Variants in SCN8A observed in about 807,000 individuals in gnomAD.
SCN8A encodes sodium voltage-gated channel alpha subunit 8.
SCN8A carries 30 observed loss-of-function variants against 184.1 expected under a neutral mutation model. The observed-to-expected ratio is 0.16, with a 90% confidence interval of 0.12 to 0.22. The LOEUF (loss-of-function observed/expected upper bound fraction) is 0.22, where lower values mean the gene tolerates loss of function less well. Ranked by LOEUF, SCN8A falls within the 10% of genes least tolerant of loss-of-function variation. SCN8A has a pLI of 1.00. For missense variants in SCN8A, 1,057 were observed against 2,498.9 expected, an observed-to-expected ratio of 0.42 and a Z score of 12.30; for synonymous variants, 852 against 907.0, an observed-to-expected ratio of 0.94 and a Z score of 1.09.
chr12:51,770,589 G>T lies in SCN8A; in HGVS notation c.3551G>T (p.Trp1184Leu). Reference protein sequence around the residue: ...VNIEEGLGKSWWILRKTCFLI... With the variant: ...VNIEEGLGKSLWILRKTCFLI... ...ATCGAGGAAGGGCTAGGCAAGTCTT[G>T]GTGGATCCTGCGGAAAACCTGCTTC... The change falls in exon 19 of 27, where the codon TGG (tryptophan) becomes TTG (leucine). Residue 1184 changes from tryptophan to leucine, a missense_variant. Physicochemically the swap from Trp to Leu is moderately conservative, Grantham distance 61. Coordinates refer to ENST00000627620, the MANE Select transcript of SCN8A (RefSeq NM_001330260.2). The T allele has an allele frequency of 6.2e-7, 1 of 1,614,008 alleles. No individual in the cohort carries two copies.
rs534298958 is a variant in SCN8A at position 51,764,814 on chromosome 12, G to T, written c.2545-857G>T. Among the ~76,000 whole-genome samples, 13 of 143,190 alleles carry T rather than the reference G, an allele frequency of 9.1e-5. No individual in the cohort carries two copies. In the South Asian group the frequency reaches 2.2e-3, roughly 25 times the overall value. The allele number at this position is 143,190 out of a possible 152,430, so 93.9% of individuals were successfully genotyped here. A position where few individuals can be genotyped will look rare whatever the true frequency, so the allele number is the denominator to read the frequency against. On this transcript the variant is annotated intron_variant, in intron 15 of 26. Coordinates refer to ENST00000627620, the MANE Select transcript of SCN8A (RefSeq NM_001330260.2). ...TTCTTAGACATAGTCTCATTCTGCT[G>T]TCCAGGTTGAAGTGCAGTGGTGTGA...
In SCN8A at chr12:51,595,943, C is replaced by T. The variant is rs187573005; in HGVS notation, c.-55+4584C>T. Among the ~76,000 whole-genome samples the T allele has an allele frequency of 1.1e-3, 171 of 152,306 alleles. 1 individual carries two copies. Among genetic ancestry groups the T allele is most frequent in the Admixed American group, 4.6e-3 (70 of 15,302 alleles). The stretch of plus-strand genomic sequence containing the variant: ...TCTGCTGGCTTCCACCAACACAGTG[C>T]AAATGTGGTTACCAAAGTACCTCTT... On this transcript the variant is annotated intron_variant, in intron 1 of 26. Coordinates refer to ENST00000627620, the MANE Select transcript of SCN8A (RefSeq NM_001330260.2).
intron 26 of SCN8A, among the ~76,000 whole-genome samples, chr12:51,800,792 C>T (rs1462111924): frequency 6.6e-6 from 1 of 152,152 alleles, no homozygotes; most frequent in Non-Finnish European, 1.5e-5. Flanking sequence ...TGTCCAGTGT[C>T]CAGTAGTCCC....
intron 12 of SCN8A, among the ~76,000 whole-genome samples, chr12:51,724,560 A>G (rs1942126258): frequency 6.6e-6 from 1 of 152,238 alleles, no homozygotes; most frequent in Admixed American, 6.5e-5. Context: ...GACTTTCACT[A>G]ATTCTGCGAA....
chr12:51,607,403 T>C (rs1198155108), intron 1 of SCN8A, among the ~76,000 whole-genome samples: 1 of 152,218 alleles, frequency 6.6e-6, no homozygotes, highest in Non-Finnish European at 1.5e-5. Context: ...CTTTACTGAT[T>C]TGGATGTCCT....
At chr12:51,758,032 C>T (rs303773) in intron 14 of SCN8A, among the ~76,000 whole-genome samples, 112,096 of 152,158 alleles carry the variant, frequency 0.74, 43,962 homozygotes, top group East Asian at 0.91. Flanking sequence ...TGAGTCCCAG[C>T]TACTTGGGAG....
At chr12:51,706,983 T>C (rs1941796463) in intron 11 of SCN8A, among the ~76,000 whole-genome samples, 1 of 152,182 alleles carries the variant, frequency 6.6e-6, no homozygotes, top group Admixed American at 6.5e-5. Context: ...TTTCTGTGCT[T>C]GGCTTATTTC....
intron 2 of SCN8A, among the ~76,000 whole-genome samples, chr12:51,677,863 A>G (rs573475713): frequency 3.9e-5 from 6 of 152,320 alleles, no homozygotes; most frequent in African/African-American, 1.2e-4. Flanking sequence ...CCGCAATCCA[A>G]TTTCAATTTC....
intron 26 of SCN8A, among the ~76,000 whole-genome samples, chr12:51,796,651 A>G (rs1938417533): frequency 6.6e-6 from 1 of 152,214 alleles, no homozygotes; most frequent in African/African-American, 2.4e-5. Flanking sequence ...GTGAAGTCCC[A>G]CGATAGGCCA....
intron 1 of SCN8A, among the ~76,000 whole-genome samples, chr12:51,625,099 C>A (rs1301748259): frequency 6.6e-6 from 1 of 152,180 alleles, no homozygotes; most frequent in African/African-American, 2.4e-5. Context: ...CGGATTTTAA[C>A]AAATGCATAG....
At chr12:51,719,334 A>C (rs1383883317) in intron 11 of SCN8A, among the ~76,000 whole-genome samples, 1 of 6,844 alleles carries the variant, frequency 1.5e-4, no homozygotes, top group African/African-American at 6.4e-4. Context: ...TAGCTTGATC[A>C]ATTGTATTCA....
At chr12:51,718,094 AAAGTATAGAACCAG>A (rs1051414421) in intron 11 of SCN8A, among the ~76,000 whole-genome samples, 1 of 152,236 alleles carries the variant, frequency 6.6e-6, no homozygotes, top group African/African-American at 2.4e-5. Context: ...GACAGGATCT[AAAGTATAGAACCAG>A]AAACGGAATT....
intron 1 of SCN8A, among the ~76,000 whole-genome samples, chr12:51,636,206 T>G (rs999092197): frequency 6.6e-6 from 1 of 152,122 alleles, no homozygotes; most frequent in Non-Finnish European, 1.5e-5. Context: ...CCATGTTAGT[T>G]GGGGTGGTCT....
intron 12 of SCN8A, among the ~76,000 whole-genome samples, chr12:51,726,414 G>A (rs1942155937): frequency 1.3e-5 from 2 of 152,190 alleles, no homozygotes; most frequent in African/African-American, 2.4e-5. Context: ...GACTGAAGAG[G>A]AAGCCAAGGC....
intron 3 of SCN8A, 72 bp downstream of exon 3, chr12:51,684,364 C>A: frequency 1.3e-6 from 1 of 786,250 alleles, no homozygotes. Context: ...CAATATTTGA[C>A]AACTGGATTA....
intron 12 of SCN8A, among the ~76,000 whole-genome samples, chr12:51,741,183 T>C (rs1942415902): frequency 6.6e-6 from 1 of 152,232 alleles, no homozygotes; most frequent in Non-Finnish European, 1.5e-5. Flanking sequence ...ATCCTTTTGC[T>C]AGACTGACCC....
At chr12:51,766,464 G>A (rs953791797) in intron 16 of SCN8A, among the ~76,000 whole-genome samples, 4 of 152,022 alleles carry the variant, frequency 2.6e-5, no homozygotes, top group South Asian at 2.1e-4. Flanking sequence ...GTTTAGCAGC[G>A]TCCCTCCTGG....
intron 6 of SCN8A, among the ~76,000 whole-genome samples, chr12:51,692,646 G>A (rs185301488): frequency 1.2e-4 from 18 of 152,238 alleles, no homozygotes; most frequent in Non-Finnish European, 1.5e-5. Flanking sequence ...GAAATATTCT[G>A]CCTAAAAGTT....
rs189673750 is a variant in SCN8A, at chr12:51,736,836, A to G, written c.1999-9067A>G. On this transcript the variant is annotated intron_variant, in intron 12 of 26. Transcript: ENST00000627620. Reference sequence around the variant, plus strand: ...TCACATTAATAGGCATTTCAAAAGCAGTCAATACCTCAATTACAGCTACAA... The same window carrying G: ...TCACATTAATAGGCATTTCAAAAGCGGTCAATACCTCAATTACAGCTACAA... Among the ~76,000 whole-genome samples, 16 of 152,368 alleles carry G rather than the reference A, an allele frequency of 1.1e-4. No homozygotes were observed. The East Asian group carries it at 3.1e-3, about 29-fold the overall frequency.
Sources: gnomAD v4.1 joint callset for allele counts (sites outside exome capture counted in the v4.1 genomes callset) on GRCh38, gnomAD v4.1.1 for gene constraint, MANE v1.5 for transcripts, NCBI Gene and HGNC (gene_info 2026-07-23, HGNC 2026-07-21) for gene names.